VSIG4: variants seen among roughly 807,000 people sequenced by gnomAD.
The protein encoded by VSIG4 is V-set and immunoglobulin domain containing 4, also known as V-set and immunoglobulin domain-containing protein 4.
In VSIG4, 34 loss-of-function variants were observed where a neutral mutation model predicts 23.4. The ratio of observed to expected loss-of-function variants is 1.45; its 90% CI spans 1.10 to 1.93. The LOEUF (loss-of-function observed/expected upper bound fraction) is 1.93. Among genes scored for constraint, VSIG4 ranks in the 30% most tolerant of loss-of-function variants. The pLI, the probability that VSIG4 is intolerant of heterozygous loss-of-function variation, is 0.00. For synonymous variants in VSIG4, 169 were observed against 120.3 expected, an observed-to-expected ratio of 1.41 and a Z score of -2.65; for missense variants, 433 against 310.8, an observed-to-expected ratio of 1.39 and a Z score of -2.96.
intron 4 of VSIG4, 43 bp from the exon 5 acceptor site, chrX:66,027,569 C>G: frequency 9.4e-7 from 1 of 1,065,477 alleles, no homozygotes; most frequent in Non-Finnish European, 1.3e-6. Context: ...TCTCTTCTTT[C>G]AAAAAGTTGA....
chrX:66,032,573 G>A lies in VSIG4; in HGVS notation c.589C>T (p.Leu197Phe). ...TCGGCTATCACCGCAGGCTTGAAGAGTAAGGTACTTAGGGTTGCTACTTTG... is the reference window on the plus strand; with the variant it reads ...TCGGCTATCACCGCAGGCTTGAAGAATAAGGTACTTAGGGTTGCTACTTTG... ...PIKVATLSTL[L>F]FKPAVIADSG... Residue 197 changes from leucine (L) to phenylalanine (F), a missense_variant, in exon 3 of 8, where the codon CTC becomes TTC. By Grantham distance (22) the Leu-to-Phe change is conservative. Coordinates refer to ENST00000374737, the MANE Select transcript of VSIG4 (RefSeq NM_007268.3). 3.3e-6 allele frequency: 4 copies of A among 1,211,674 alleles called. No individual in the cohort carries two copies. Among genetic ancestry groups the A allele is most frequent in the Non-Finnish European group, 4.5e-6 (4 of 895,394 alleles).
chrX:66,038,516 C>T (rs1602116369), intron 1 of VSIG4, among the ~76,000 whole-genome samples: 1 of 110,644 alleles, frequency 9.0e-6, no homozygotes, highest in East Asian at 2.8e-4. Context: ...CATGAATGCA[C>T]ACACACATAC....
At chrX:66,023,321 C>A (rs2085354203) in intron 6 of VSIG4, among the ~76,000 whole-genome samples, 1 of 111,263 alleles carries the variant, frequency 9.0e-6, no homozygotes, top group South Asian at 3.8e-4. Context: ...ACTATATACC[C>A]AGGAAAAACC....
At chrX:66,037,834 C>T (rs1196147391) in intron 1 of VSIG4, among the ~76,000 whole-genome samples, 1 of 73,072 alleles carries the variant, frequency 1.4e-5, no homozygotes, top group Non-Finnish European at 2.4e-5. Context: ...TTAATGTGGT[C>T]CTGAGACCCA....
In VSIG4 at chrX:66,024,808, A is replaced by T. The variant is rs2076543; in HGVS notation, c.940+217T>A. On this transcript the variant is annotated intron_variant, in intron 6 of 7. Coordinates refer to ENST00000374737, the MANE Select transcript of VSIG4 (RefSeq NM_007268.3). The stretch of plus-strand genomic sequence containing the variant: ...GATGACTCGTTAGAAAGATGGCTGT[A>T]CTTCACTGAGTACCAAAGCCTAGTG... Among the ~76,000 whole-genome samples, 473 of 111,794 alleles carry T rather than the reference A, an allele frequency of 4.2e-3. 8 individuals are homozygous for T. In the East Asian group the frequency reaches 0.054, roughly 13 times the overall value.
intron 1 of VSIG4, among the ~76,000 whole-genome samples, chrX:66,039,502 G>C (rs1417387049): frequency 9.0e-6 from 1 of 111,640 alleles, no homozygotes; most frequent in East Asian, 2.8e-4. Context: ...GGGTGGTATA[G>C]GTTACTTCTA....
chrX:66,022,825 G>C lies in VSIG4; in HGVS notation c.962+16C>G. ...CAGGGACGGGGTCAAAAATGGAAGAGGAGAGACTTTCTTACCTGGCTGCTT... is the reference window on the plus strand; with the variant it reads ...CAGGGACGGGGTCAAAAATGGAAGACGAGAGACTTTCTTACCTGGCTGCTT... On this transcript the variant is annotated intron_variant, in intron 7 of 7. Coordinates refer to ENST00000374737, the MANE Select transcript of VSIG4 (RefSeq NM_007268.3). 4 of 1,211,771 alleles carry C rather than the reference G, an allele frequency of 3.3e-6. No homozygotes were observed. The highest frequency in any genetic ancestry group is 4.5e-6 in the Non-Finnish European group (4 of 895,451).
chrX:66,022,961 C>G (rs2085350423), intron 6 of VSIG4, 99 bp from the exon 7 acceptor site: 4 of 931,950 alleles, frequency 4.3e-6, no homozygotes, highest in Non-Finnish European at 6.1e-6. Flanking sequence ...GGGAAGGGTA[C>G]AGAGGAGGGG....
chrX:66,037,464 AAT>A (rs1296252014), intron 1 of VSIG4, among the ~76,000 whole-genome samples: 6 of 61,966 alleles, frequency 9.7e-5, no homozygotes, highest in Non-Finnish European at 1.6e-4. Flanking sequence ...ATAATAATAT[AAT>A]ATATATAATA....
intron 3 of VSIG4, among the ~76,000 whole-genome samples, chrX:66,030,210 G>A (rs2085448858): frequency 9.0e-6 from 1 of 110,803 alleles, no homozygotes. Context: ...AGTATGAATG[G>A]AGAGGTCTTG....
At chrX:66,023,569 G>T (rs1484457393) in intron 6 of VSIG4, among the ~76,000 whole-genome samples, 1 of 112,520 alleles carries the variant, frequency 8.9e-6, no homozygotes, top group Non-Finnish European at 1.9e-5. Context: ...TGTCTTACTC[G>T]CCCATTGGCC....
intron 3 of VSIG4, among the ~76,000 whole-genome samples, chrX:66,028,949 C>A (rs1261829558): frequency 2.7e-5 from 3 of 111,642 alleles, no homozygotes; most frequent in African/African-American, 9.8e-5. Flanking sequence ...ACAAAAAAAA[C>A]TAACCAAAAT....
intron 5 of VSIG4, among the ~76,000 whole-genome samples, chrX:66,026,337 G>A (rs1216880998): frequency 8.9e-6 from 1 of 111,927 alleles, no homozygotes; most frequent in African/African-American, 3.2e-5. Flanking sequence ...TTATAAGCTG[G>A]TACAAATCGA....
chrX:66,022,249 C>A lies in VSIG4; in HGVS notation c.*14G>T, dbSNP rs1284090591. On this transcript the variant is annotated 3_prime_UTR_variant, in exon 8 of 8. Coordinates refer to ENST00000374737, the MANE Select transcript of VSIG4 (RefSeq NM_007268.3). ...GGCAATTATGTCAGCAGATCCTGGC[C>A]TAATGGGGCATTTTTAACAGACACT... 8.3e-7 allele frequency: 1 copy of A among 1,211,972 alleles called. No homozygotes were observed.
intron 1 of VSIG4, among the ~76,000 whole-genome samples, chrX:66,035,939 C>T (rs929968234): frequency 7.2e-5 from 8 of 111,668 alleles, no homozygotes; most frequent in East Asian, 2.8e-4. Context: ...TGTGTTTTTC[C>T]TCCCTGGGAA....
At chrX:66,023,726 T>G (rs1223039548) in intron 6 of VSIG4, among the ~76,000 whole-genome samples, 1 of 112,227 alleles carries the variant, frequency 8.9e-6, no homozygotes, top group Admixed American at 9.4e-5. Flanking sequence ...GAGGAATTTT[T>G]GGAAATGAGA....
chrX:66,036,053 T>G (rs148719014), intron 1 of VSIG4, among the ~76,000 whole-genome samples: 41 of 111,810 alleles, frequency 3.7e-4, no homozygotes, highest in African/African-American at 1.3e-3. Context: ...AGGTCAGGCT[T>G]AACTCCTCCA....
At chrX:66,036,207 C>A (rs2085537584) in intron 1 of VSIG4, among the ~76,000 whole-genome samples, 1 of 109,768 alleles carries the variant, frequency 9.1e-6, no homozygotes, top group African/African-American at 3.3e-5. Context: ...CTTTTTTCTT[C>A]CTTCTTCTTT....
chrX:66,034,256 A>G (rs182806417), intron 1 of VSIG4, among the ~76,000 whole-genome samples: 205 of 112,372 alleles, frequency 1.8e-3, no homozygotes, highest in African/African-American at 6.1e-3. Context: ...GGAAGCAAAA[A>G]TGCTAAGCAT....
Sources: allele counts gnomAD v4.1 joint callset (sites outside exome capture counted in the v4.1 genomes callset), GRCh38; gene constraint gnomAD v4.1.1; transcripts MANE v1.5; gene names NCBI Gene and HGNC (gene_info 2026-07-23, HGNC 2026-07-21).